HTRA1: variants seen among roughly 807,000 people sequenced by gnomAD.
HTRA1 encodes the protein HtrA serine peptidase 1.
HTRA1 carries 26 observed loss-of-function variants against 49.7 expected under a neutral mutation model. The ratio of observed to expected loss-of-function variants is 0.52; its 90% CI spans 0.38 to 0.73. The LOEUF (loss-of-function observed/expected upper bound fraction) is 0.73. Among genes scored for constraint, HTRA1 ranks in the 30% least tolerant of loss-of-function variants. HTRA1 has a pLI of 0.00. For synonymous variants in HTRA1, 291 were observed against 286.9 expected (o/e 1.01, Z -0.14); for missense variants, 561 against 667.2 (o/e 0.84, Z 1.75).
At chr10:122,491,412 G>A (rs752305276) in intron 3 of HTRA1, among the ~76,000 whole-genome samples, 102 of 152,340 alleles carry the variant, frequency 6.7e-4, no homozygotes, top group South Asian at 8.3e-4. Context: ...TCACCGGAAG[G>A]AGCCAGTCAG....
intron 5 of HTRA1, 98 bp downstream of exon 5, chr10:122,507,500 G>T: frequency 2.1e-6 from 2 of 966,562 alleles, no homozygotes; most frequent in South Asian, 1.3e-5. Flanking sequence ...TTGAGGCAGG[G>T]GGTCTTTTCA....
intron 1 of HTRA1, 122 bp downstream of exon 1, chr10:122,462,246 C>A: frequency 1.2e-6 from 1 of 861,882 alleles, no homozygotes; most frequent in Non-Finnish European, 1.8e-6. Context: ...GGGCAACTCT[C>A]GGGGACAGGC....
Position 122,461,795 on chromosome 10 carries a change from C to T in HTRA1, c.143C>T (p.Pro48Leu), listed in dbSNP as rs1467244747. ...CGCTGCGAGCCGGCGCGCTGCCCGC[C>T]GCAGCCGGAGCACTGCGAGGGCGGC... is the stretch of plus-strand genomic sequence containing the variant. The part of the protein sequence containing the change: ...PDRCEPARCP[P>L]QPEHCEGGRA... The change falls in exon 1 of 9, where the codon CCG becomes CTG. Residue 48 changes from proline (P) to leucine (L), a missense_variant. Physicochemically the swap from Pro to Leu is moderately conservative, Grantham distance 98. Around this residue, in one of 3 missense-constraint regions of HTRA1, gnomAD observed 111 missense variants for 83.7 expected, o/e 1.33. Coordinates refer to ENST00000368984, the MANE Select transcript of HTRA1 (RefSeq NM_002775.5). 1.9e-6 allele frequency: 2 copies of T among 1,055,526 alleles called. No homozygotes were observed. Among genetic ancestry groups the T allele is most frequent in the South Asian group, 4.2e-5 (1 of 23,804 alleles). The allele number at this position is 1,055,526 out of a possible 1,614,324, so 65.4% of individuals were successfully genotyped here. A position where few individuals can be genotyped will look rare whatever the true frequency, so the allele number is the denominator to read the frequency against.
intron 1 of HTRA1, among the ~76,000 whole-genome samples, chr10:122,472,972 C>T (rs1477189718): frequency 1.3e-5 from 2 of 152,170 alleles, no homozygotes; most frequent in African/African-American, 2.4e-5. Context: ...TCTAGAATTT[C>T]AACCTCGTAA....
At chr10:122,504,897 C>A (rs1025822340) in intron 3 of HTRA1, among the ~76,000 whole-genome samples, 1 of 152,222 alleles carries the variant, frequency 6.6e-6, no homozygotes. Flanking sequence ...CCTGCATGCT[C>A]CAGCCTCAGG....
At chr10:122,489,351 C>T (rs900571319) in intron 2 of HTRA1, 71 bp from the exon 3 acceptor site, 6 of 1,362,560 alleles carry the variant, frequency 4.4e-6, no homozygotes, top group African/African-American at 1.4e-5. Flanking sequence ...TTGCACAACC[C>T]ATTAATCAAT....
chr10:122,495,011 G>A (rs1185144525), intron 3 of HTRA1, among the ~76,000 whole-genome samples: 1 of 152,040 alleles, frequency 6.6e-6, no homozygotes, highest in Non-Finnish European at 1.5e-5. Flanking sequence ...GACTGGGGTG[G>A]TGCTTGCCAT....
intron 3 of HTRA1, among the ~76,000 whole-genome samples, chr10:122,497,859 G>A (rs1014871488): frequency 6.6e-6 from 1 of 152,208 alleles, no homozygotes; most frequent in Admixed American, 6.5e-5. Context: ...GAAGTTGGTG[G>A]ATGAAAGGGG....
chr10:122,511,610 G>A (rs2097505601), intron 7 of HTRA1, among the ~76,000 whole-genome samples: 1 of 151,908 alleles, frequency 6.6e-6, no homozygotes, highest in African/African-American at 2.4e-5. Flanking sequence ...GCAGGCACCT[G>A]TAATCCCAGC....
chr10:122,481,258 T>C (rs895366453), intron 1 of HTRA1, among the ~76,000 whole-genome samples: 5 of 151,894 alleles, frequency 3.3e-5, no homozygotes, highest in African/African-American at 7.3e-5. Flanking sequence ...AGGATAGATA[T>C]AGCAATTTAA....
At chr10:122,498,272 T>C (rs2672605) in intron 3 of HTRA1, among the ~76,000 whole-genome samples, 151,578 of 152,226 alleles carry the variant, frequency 1, 75,467 homozygotes, top group Middle Eastern at 1. Flanking sequence ...TCCTGTCCAT[T>C]CTACCTTCTC....
intron 3 of HTRA1, 104 bp downstream of exon 3, chr10:122,489,730 G>A (rs1591032707): frequency 1.8e-6 from 2 of 1,083,168 alleles, no homozygotes. Context: ...GGGGGGCACT[G>A]AAGCCAGTCT....
chr10:122,487,904 C>T lies in HTRA1; in HGVS notation c.473-998C>T, dbSNP rs546397901. Among the ~76,000 whole-genome samples the T allele has an allele frequency of 6.6e-6, 1 of 152,302 alleles. No individual in the cohort carries two copies. The highest frequency in any genetic ancestry group is 1.9e-4 in the East Asian group (1 of 5,190). ...GGCTGAAACGTTATGTGGTGCATGA[C>T]TGTAGGTATAAAGCATTACAGTTGT... On this transcript the variant is annotated intron_variant, in intron 1 of 8. Transcript: ENST00000368984. This position sits in a 1 kb window ranked among gnomAD's most constrained non-coding sequence, Gnocchi z 4.8.
At chr10:122,499,448 C>A (rs2097500032) in intron 3 of HTRA1, among the ~76,000 whole-genome samples, 1 of 152,224 alleles carries the variant, frequency 6.6e-6, no homozygotes, top group Non-Finnish European at 1.5e-5. Context: ...AAGGAGCCTG[C>A]ATTTTTATTT....
rs1168382992 is a variant in HTRA1, at chr10:122,494,648, C to G, written c.777+5022C>G. On this transcript the variant is annotated intron_variant, in intron 3 of 8. Transcript: ENST00000368984. This position sits in a 1 kb window ranked among gnomAD's most constrained non-coding sequence, Gnocchi z 4.0. ...CTCCCTCCCCTGTAGGCCTGCGCCA[C>G]CCCCCCAACCCCACGGCCACCTTTG... Among the ~76,000 whole-genome samples, 1 of 152,036 alleles carries G rather than the reference C, an allele frequency of 6.6e-6. No individual in the cohort carries two copies. Among genetic ancestry groups the G allele is most frequent in the East Asian group, 1.9e-4 (1 of 5,154 alleles).
chr10:122,500,481 G>A (rs910946044), intron 3 of HTRA1, among the ~76,000 whole-genome samples: 25 of 152,146 alleles, frequency 1.6e-4, no homozygotes, highest in Non-Finnish European at 2.6e-4. Flanking sequence ...TGCTAAAACC[G>A]CAATCCAGAG....
intron 1 of HTRA1, among the ~76,000 whole-genome samples, chr10:122,473,442 A>C (rs2097487018): frequency 6.6e-6 from 1 of 152,226 alleles, no homozygotes. Context: ...TGTTTTGAAA[A>C]GTGATGAAAA....
intron 3 of HTRA1, among the ~76,000 whole-genome samples, chr10:122,501,961 G>GTTTTTTTTTTTTT (rs541582341): frequency 2.7e-5 from 2 of 73,494 alleles, no homozygotes; most frequent in African/African-American, 5.9e-5. Context: ...TCCATTTGGA[G>GTTTTTTTTTTTTT]TTTTTTTTTT....
chr10:122,473,638 C>T (rs2133912073), intron 1 of HTRA1, among the ~76,000 whole-genome samples: 1 of 152,248 alleles, frequency 6.6e-6, no homozygotes, highest in South Asian at 2.1e-4. Context: ...GTACAATTTG[C>T]TGTTCTTATA....
Sources: allele counts gnomAD v4.1 joint callset (sites outside exome capture counted in the v4.1 genomes callset), GRCh38; gene constraint gnomAD v4.1.1; regional missense constraint gnomAD v4.1.1; non-coding constraint Gnocchi (gnomAD v3.1); transcripts MANE v1.5; gene names NCBI Gene and HGNC (gene_info 2026-07-23, HGNC 2026-07-21).